Variants in NEGR1 observed in about 807,000 individuals in gnomAD.
NEGR1 encodes the protein IgLON family member 4.
A neutral mutation model predicts 40.9 loss-of-function variants in NEGR1; 10 were observed. The ratio of observed to expected loss-of-function variants is 0.24; its 90% CI spans 0.15 to 0.42. NEGR1 has a LOEUF of 0.42. Ranked by LOEUF, NEGR1 falls within the 10% of genes least tolerant of loss-of-function variation. The pLI, the probability that NEGR1 is intolerant of heterozygous loss-of-function variation, is 1.00. For synonymous variants in NEGR1, 185 were observed against 166.8 expected (o/e 1.11, Z -0.84); for missense variants, 352 against 438.9 (o/e 0.80, Z 1.77).
chr1:71,625,856 A>AT (rs199582210), intron 4 of NEGR1, among the ~76,000 whole-genome samples: 1,869 of 151,302 alleles, frequency 0.012, 15 homozygotes, highest in Non-Finnish European at 0.019. Flanking sequence ...ATACCTTATA[A>AT]TTTTTTTTTA....
At chr1:71,548,315 T>C (rs1647967598) in intron 6 of NEGR1, among the ~76,000 whole-genome samples, 1 of 151,712 alleles carries the variant, frequency 6.6e-6, no homozygotes, top group Non-Finnish European at 1.5e-5. Context: ...GCTGGTAACA[T>C]TTCTGCTGCT....
chr1:71,895,517 T>C (rs1362042018), intron 2 of NEGR1, among the ~76,000 whole-genome samples: 1 of 152,222 alleles, frequency 6.6e-6, no homozygotes, highest in Admixed American at 6.5e-5. Context: ...GATTATCTTA[T>C]TGTAGACATC....
At chr1:72,207,161 T>TA (rs939920446) in intron 1 of NEGR1, among the ~76,000 whole-genome samples, 12 of 149,240 alleles carry the variant, frequency 8.0e-5, no homozygotes, top group South Asian at 2.1e-4. Context: ...AAAGAAAAGT[T>TA]AAAAAAAAAC....
chr1:72,183,673 A>C (rs1652488185), intron 1 of NEGR1, among the ~76,000 whole-genome samples: 1 of 152,132 alleles, frequency 6.6e-6, no homozygotes, highest in Non-Finnish European at 1.5e-5. Context: ...ATACATAAGA[A>C]AAACTTCCCT....
intron 2 of NEGR1, among the ~76,000 whole-genome samples, chr1:71,885,748 T>A (rs575842124): frequency 6.6e-6 from 1 of 152,308 alleles, no homozygotes; most frequent in South Asian, 2.1e-4. Context: ...ATTATACACA[T>A]CAGCATTATT....
At chr1:71,560,386 T>TATG (rs1327229156) in intron 6 of NEGR1, among the ~76,000 whole-genome samples, 1 of 143,698 alleles carries the variant, frequency 7.0e-6, no homozygotes, top group Non-Finnish European at 1.5e-5. Flanking sequence ...TGATGCCCAT[T>TATG]ATGTATGACC....
intron 4 of NEGR1, among the ~76,000 whole-genome samples, chr1:71,689,706 A>G (rs1653186388): frequency 6.6e-6 from 1 of 151,934 alleles, no homozygotes; most frequent in Admixed American, 6.6e-5. Flanking sequence ...GTCTTTCAAA[A>G]GTTGGTTTAG....
At chr1:72,223,216 C>T (rs186122054) in intron 1 of NEGR1, among the ~76,000 whole-genome samples, 7 of 152,248 alleles carry the variant, frequency 4.6e-5, no homozygotes, top group Non-Finnish European at 7.4e-5. Context: ...ACCAGTTCCA[C>T]ATTTATGACC....
intron 1 of NEGR1, among the ~76,000 whole-genome samples, chr1:72,066,262 G>A (rs1227552122): frequency 6.6e-6 from 1 of 152,070 alleles, no homozygotes; most frequent in Non-Finnish European, 1.5e-5. Context: ...TACAAATCCA[G>A]GCAGCGTGGC....
chr1:72,269,394 T>G (rs577544004), intron 1 of NEGR1, among the ~76,000 whole-genome samples: 40 of 151,752 alleles, frequency 2.6e-4, no homozygotes, highest in Non-Finnish European at 4.0e-4. Flanking sequence ...AACTAGGGAC[T>G]TGGAATACTA....
chr1:71,590,297 A>C (rs1347243186), intron 6 of NEGR1, among the ~76,000 whole-genome samples: 1 of 152,110 alleles, frequency 6.6e-6, no homozygotes, highest in African/African-American at 2.4e-5. Flanking sequence ...TGTACCTTAG[A>C]TATAATTCAG....
chr1:71,447,630 C>A (rs1646592005), intron 6 of NEGR1, among the ~76,000 whole-genome samples: 1 of 152,146 alleles, frequency 6.6e-6, no homozygotes, highest in African/African-American at 2.4e-5. Context: ...AAAAGCCTTT[C>A]CTGACCTTCC....
chr1:71,465,115 AT>A (rs1283791502), intron 6 of NEGR1, among the ~76,000 whole-genome samples: 1 of 152,130 alleles, frequency 6.6e-6, no homozygotes, highest in Non-Finnish European at 1.5e-5. Flanking sequence ...GATATTTCAA[AT>A]TCCTGCACCT....
chr1:71,635,503 A>G (rs530650227), intron 4 of NEGR1, among the ~76,000 whole-genome samples: 28 of 152,190 alleles, frequency 1.8e-4, no homozygotes, highest in African/African-American at 6.0e-4. Context: ...TGAGAGAAGT[A>G]TTTGAGGCAA....
intron 5 of NEGR1, among the ~76,000 whole-genome samples, chr1:71,596,477 T>G (rs1242952784): frequency 6.6e-6 from 1 of 152,204 alleles, no homozygotes; most frequent in East Asian, 1.9e-4. Flanking sequence ...TGCTGATAAC[T>G]ACAGATACTT....
intron 4 of NEGR1, among the ~76,000 whole-genome samples, chr1:71,626,045 C>G (rs982727250): frequency 4.0e-5 from 6 of 151,718 alleles, no homozygotes; most frequent in African/African-American, 1.5e-4. Context: ...TTATGAGAAT[C>G]TAATGCCTGA....
intron 3 of NEGR1, among the ~76,000 whole-genome samples, chr1:71,737,636 G>C (rs1270990462): frequency 6.6e-6 from 1 of 151,752 alleles, no homozygotes; most frequent in Non-Finnish European, 1.5e-5. Flanking sequence ...TTGTTAATTT[G>C]AAATGATCCA....
At chr1:72,024,689 G>A (rs564369942) in intron 1 of NEGR1, among the ~76,000 whole-genome samples, 1 of 152,242 alleles carries the variant, frequency 6.6e-6, no homozygotes, top group African/African-American at 2.4e-5. Flanking sequence ...TTTCCAGAAT[G>A]TTTCCACAGC....
chr1:72,096,924 T>G (rs115483672), intron 1 of NEGR1, among the ~76,000 whole-genome samples: 4,222 of 152,194 alleles, frequency 0.028, 179 homozygotes, highest in African/African-American at 0.096. Flanking sequence ...ACTTGTGGTC[T>G]GCCTGCCTCG....
Sources: allele counts gnomAD v4.1 joint callset (sites outside exome capture counted in the v4.1 genomes callset), GRCh38; gene constraint gnomAD v4.1.1; transcripts MANE v1.5; gene names NCBI Gene and HGNC (gene_info 2026-07-23, HGNC 2026-07-21).